CNTNAP2: variants seen among roughly 807,000 people sequenced by gnomAD.
CNTNAP2 encodes the protein contactin-associated protein-like 2.
A neutral mutation model predicts 155.2 loss-of-function variants in CNTNAP2; 98 were observed. That is an observed-to-expected ratio of 0.63 (90% confidence interval 0.54 to 0.75). The LOEUF is 0.75. CNTNAP2 is among the 30% of genes least tolerant of loss of function. CNTNAP2 has a pLI of 0.00. For synonymous variants in CNTNAP2, 651 were observed against 631.2 expected (o/e 1.03, Z -0.47); for missense variants, 1,727 against 1,688.1 (o/e 1.02, Z -0.40).
At chr7:148,016,729 A>G (rs998356720) in intron 15 of CNTNAP2, among the ~76,000 whole-genome samples, 2 of 152,206 alleles carry the variant, frequency 1.3e-5, no homozygotes, top group Admixed American at 6.5e-5. Context: ...GGTAGTAGGG[A>G]AATTTCTGGT....
chr7:146,828,341 T>A (rs1013055479), intron 2 of CNTNAP2, among the ~76,000 whole-genome samples: 1 of 151,952 alleles, frequency 6.6e-6, no homozygotes, highest in Non-Finnish European at 1.5e-5. Flanking sequence ...AGAAATAAAA[T>A]CCACTTGATA....
intron 3 of CNTNAP2, among the ~76,000 whole-genome samples, chr7:146,889,461 G>A (rs2129211136): frequency 6.6e-6 from 1 of 152,192 alleles, no homozygotes; most frequent in Non-Finnish European, 1.5e-5. Flanking sequence ...TCTGTAAACA[G>A]TGAGATTCAT....
At chr7:147,192,602 A>C (rs1438832716) in intron 8 of CNTNAP2, among the ~76,000 whole-genome samples, 1 of 151,956 alleles carries the variant, frequency 6.6e-6, no homozygotes, top group Non-Finnish European at 1.5e-5. Flanking sequence ...CCACAGCTCT[A>C]ATATATTCTA....
At position 146,523,281 on chromosome 7, in the gene CNTNAP2, A is replaced by G. The variant is rs540374068; in HGVS notation, c.98-250990A>G. ...TATATCATCAGTAAAATTTCGGTCC[A>G]ATTCTCATTTCTAAAAATTTTGGTA... On this transcript the variant is annotated intron_variant, in intron 1 of 23. Transcript: ENST00000361727. Among the ~76,000 whole-genome samples the G allele has an allele frequency of 2.7e-3, 404 of 152,186 alleles. 4 individuals are homozygous for G. Among genetic ancestry groups the G allele is most frequent in the African/African-American group, 9.1e-3 (380 of 41,546 alleles).
intron 12 of CNTNAP2, among the ~76,000 whole-genome samples, chr7:147,562,486 A>AT (rs765468698): frequency 9.2e-5 from 14 of 152,132 alleles, no homozygotes; most frequent in Non-Finnish European, 1.5e-4. Context: ...ATTAAGCATC[A>AT]TTTTTTTAAA....
intron 13 of CNTNAP2, among the ~76,000 whole-genome samples, chr7:147,824,157 G>T (rs1179271442): frequency 1.3e-5 from 2 of 152,136 alleles, no homozygotes; most frequent in African/African-American, 4.8e-5. Flanking sequence ...GCCTTCAGAG[G>T]TTTAACTGTG....
At chr7:147,660,773 A>G (rs543457202) in intron 13 of CNTNAP2, among the ~76,000 whole-genome samples, 36 of 152,224 alleles carry the variant, frequency 2.4e-4, no homozygotes, top group Non-Finnish European at 4.9e-4. Context: ...TACTAAAGAC[A>G]TTTCAAACAG....
At chr7:148,109,703 C>A (rs755390765) in intron 15 of CNTNAP2, among the ~76,000 whole-genome samples, 1 of 152,120 alleles carries the variant, frequency 6.6e-6, no homozygotes, top group Non-Finnish European at 1.5e-5. Context: ...AGGGAGAACA[C>A]CTGGAAATTA....
chr7:148,041,706 C>G (rs17170806), intron 15 of CNTNAP2, among the ~76,000 whole-genome samples: 11,746 of 152,140 alleles, frequency 0.077, 1,095 homozygotes, highest in African/African-American at 0.22. Context: ...GGAAGAATAT[C>G]ATTAGTATAG....
intron 4 of CNTNAP2, among the ~76,000 whole-genome samples, chr7:147,046,052 G>A (rs925350833): frequency 6.6e-6 from 1 of 152,106 alleles, no homozygotes; most frequent in African/African-American, 2.4e-5. Flanking sequence ...ATTTAATAGA[G>A]TTAATAATAA....
chr7:147,235,033 T>C (rs1323114036), intron 8 of CNTNAP2, among the ~76,000 whole-genome samples: 1 of 152,112 alleles, frequency 6.6e-6, no homozygotes, highest in Non-Finnish European at 1.5e-5. Flanking sequence ...GTGAGGGTGT[T>C]TCCTGATGAA....
At chr7:147,284,377 C>T (rs1200778121) in intron 8 of CNTNAP2, among the ~76,000 whole-genome samples, 1 of 151,738 alleles carries the variant, frequency 6.6e-6, no homozygotes, top group African/African-American at 2.4e-5. Context: ...TGCCCAAATT[C>T]TAACCCAACT....
chr7:146,682,391 T>A (rs1800520637), intron 1 of CNTNAP2, among the ~76,000 whole-genome samples: 1 of 152,178 alleles, frequency 6.6e-6, no homozygotes, highest in South Asian at 2.1e-4. Context: ...TTTGGAACCG[T>A]TTATAGTAAG....
intron 10 of CNTNAP2, among the ~76,000 whole-genome samples, chr7:147,425,145 T>A (rs1797357207): frequency 6.6e-6 from 1 of 152,050 alleles, no homozygotes; most frequent in Non-Finnish European, 1.5e-5. Flanking sequence ...ATTTTTTTTT[T>A]TTTTAGAAAT....
chr7:146,983,343 C>T (rs73463247), intron 3 of CNTNAP2, among the ~76,000 whole-genome samples: 1 of 151,964 alleles, frequency 6.6e-6, no homozygotes, highest in Non-Finnish European at 1.5e-5. Flanking sequence ...GTGTATATTC[C>T]CTAATCCTCT....
At chr7:147,360,218 A>T (rs1381786945) in intron 9 of CNTNAP2, among the ~76,000 whole-genome samples, 2 of 152,174 alleles carry the variant, frequency 1.3e-5, no homozygotes, top group Non-Finnish European at 2.9e-5. Flanking sequence ...AACTTTATTT[A>T]TAACCCCTTA....
At chr7:146,936,297 G>C (rs1796912209) in intron 3 of CNTNAP2, among the ~76,000 whole-genome samples, 1 of 152,136 alleles carries the variant, frequency 6.6e-6, no homozygotes, top group African/African-American at 2.4e-5. Context: ...ACATAATCAA[G>C]CTAAGACTTT....
intron 8 of CNTNAP2, among the ~76,000 whole-genome samples, chr7:147,139,150 AT>A (rs149051950): frequency 0.036 from 5,526 of 152,168 alleles, 300 homozygotes; most frequent in African/African-American, 0.12. Flanking sequence ...AAGCCAGTAT[AT>A]TTCTCAGTTA....
chr7:147,671,702 C>T (rs1021255188), intron 13 of CNTNAP2: 9 of 152,140 alleles, frequency 5.9e-5, no homozygotes, highest in Non-Finnish European at 1.3e-4. Flanking sequence ...TGTGGGGCTC[C>T]CAAGTACTCT....
Sources: allele counts gnomAD v4.1 joint callset (sites outside exome capture counted in the v4.1 genomes callset), GRCh38; gene constraint gnomAD v4.1.1; transcripts MANE v1.5; gene names NCBI Gene and HGNC (gene_info 2026-07-23, HGNC 2026-07-21).